Variants in SDK1 observed in about 807,000 individuals in gnomAD.
SDK1 encodes protein sidekick-1.
A neutral mutation model predicts 245.5 loss-of-function variants in SDK1; 157 were observed. The observed-to-expected ratio is 0.64, with a 90% confidence interval of 0.56 to 0.73. The LOEUF (loss-of-function observed/expected upper bound fraction) is 0.73. SDK1 is among the 30% of genes least tolerant of loss of function. SDK1 has a pLI of 0.00. For missense variants in SDK1, 3,583 were observed against 3,002.3 expected (o/e 1.19, Z -4.52); for synonymous variants, 1,647 against 1,278.5 (o/e 1.29, Z -6.15).
At chr7:3,875,982 T>G (rs1781066784) in intron 5 of SDK1, among the ~76,000 whole-genome samples, 1 of 152,206 alleles carries the variant, frequency 6.6e-6, no homozygotes. Context: ...AAGACACTGT[T>G]TCTCACACAA....
intron 19 of SDK1, among the ~76,000 whole-genome samples, chr7:4,062,964 TAA>T (rs893244296): frequency 6.8e-4 from 103 of 152,300 alleles, no homozygotes; most frequent in African/African-American, 2.4e-3. Context: ...CTCAGTATGA[TAA>T]AGTCTGTATA....
chr7:4,199,357 CTTTG>C (rs1223072370), intron 35 of SDK1, among the ~76,000 whole-genome samples: 1 of 152,136 alleles, frequency 6.6e-6, no homozygotes, highest in Non-Finnish European at 1.5e-5. Context: ...CGTCTTTTAA[CTTTG>C]TTTATCATAA....
chr7:3,579,699 C>A (rs1348267733), intron 1 of SDK1, among the ~76,000 whole-genome samples: 3 of 152,136 alleles, frequency 2.0e-5, no homozygotes, highest in Admixed American at 1.3e-4. Context: ...CAAGGGAACA[C>A]TTACACCCTG....
At chr7:3,558,659 C>A (rs1233184128) in intron 1 of SDK1, among the ~76,000 whole-genome samples, 4 of 152,190 alleles carry the variant, frequency 2.6e-5, no homozygotes, top group African/African-American at 9.7e-5. Context: ...CCGCTGGGAT[C>A]CAGCAGCTGC....
At chr7:3,974,852 G>T (rs768536323) in intron 13 of SDK1, 1 of 235,900 alleles carries the variant, frequency 4.2e-6, no homozygotes, top group Non-Finnish European at 8.3e-6. Context: ...TTACCACTCT[G>T]CGCTTAAGTA....
intron 17 of SDK1, among the ~76,000 whole-genome samples, chr7:4,038,786 G>A (rs955160963): frequency 6.6e-6 from 1 of 152,172 alleles, no homozygotes. Context: ...TTCTTATTGT[G>A]TAACTGCAGA....
rs184404844 is a variant in SDK1, at chr7:4,168,214, C to T, written c.4801-6008C>T. Among the ~76,000 whole-genome samples, 755 of 152,280 alleles carry T rather than the reference C, an allele frequency of 5.0e-3. 2 individuals are homozygous for T. Among genetic ancestry groups the T allele is most frequent in the Non-Finnish European group, 7.8e-3 (532 of 68,026 alleles). On this transcript the variant is annotated intron_variant, in intron 32 of 44. Coordinates refer to ENST00000404826, the MANE Select transcript of SDK1 (RefSeq NM_152744.4). ...GGAAGCCACCCTCTGGGGGCACGGC[C>T]GCCTGGACCCCCTCCCCAGGCCTGG...
chr7:3,992,330 G>A (rs574298265), intron 14 of SDK1, among the ~76,000 whole-genome samples: 3 of 152,332 alleles, frequency 2.0e-5, no homozygotes, highest in African/African-American at 7.2e-5. Context: ...CTGCAGGCAT[G>A]CCAGGGTTTG....
intron 1 of SDK1, among the ~76,000 whole-genome samples, chr7:3,431,800 T>C (rs2128584619): frequency 6.6e-6 from 1 of 152,248 alleles, no homozygotes; most frequent in Non-Finnish European, 1.5e-5. Flanking sequence ...ATCTACCTGA[T>C]AGAAACATAG....
At chr7:3,459,074 A>G (rs1232716123) in intron 1 of SDK1, among the ~76,000 whole-genome samples, 1 of 152,212 alleles carries the variant, frequency 6.6e-6, no homozygotes, top group Non-Finnish European at 1.5e-5. Flanking sequence ...AGATTGCATT[A>G]AATCTATAGA....
At chr7:3,689,156 A>C (rs748423856) in intron 4 of SDK1, among the ~76,000 whole-genome samples, 24 of 152,144 alleles carry the variant, frequency 1.6e-4, no homozygotes, top group Non-Finnish European at 2.9e-4. Flanking sequence ...ACTGTTTGCT[A>C]TCTGGCCCTT....
intron 22 of SDK1, among the ~76,000 whole-genome samples, chr7:4,090,331 G>A (rs923327388): frequency 7.2e-5 from 11 of 152,158 alleles, no homozygotes; most frequent in African/African-American, 1.9e-4. Context: ...TTAGGGCAAT[G>A]AGGGCACCAG....
intron 16 of SDK1, among the ~76,000 whole-genome samples, chr7:4,015,626 G>A (rs1786332253): frequency 6.6e-6 from 1 of 152,160 alleles, no homozygotes; most frequent in Non-Finnish European, 1.5e-5. Context: ...GTACTTGCTT[G>A]GTGCAGGTCG....
At chr7:3,526,146 T>C (rs1783122532) in intron 1 of SDK1, among the ~76,000 whole-genome samples, 2 of 151,980 alleles carry the variant, frequency 1.3e-5, no homozygotes, top group South Asian at 2.1e-4. Context: ...GGCAGGAGAA[T>C]TGCTTGAACC....
At chr7:3,593,371 G>A (rs1005513255) in intron 1 of SDK1, among the ~76,000 whole-genome samples, 1 of 152,138 alleles carries the variant, frequency 6.6e-6, no homozygotes, top group Non-Finnish European at 1.5e-5. Flanking sequence ...GGGATAGTAT[G>A]TGATGCACAT....
rs117771522 is a variant in SDK1, at chr7:3,350,484, A to G, written c.298+48600A>G. On this transcript the variant is annotated intron_variant, in intron 1 of 44. Coordinates refer to ENST00000404826, the MANE Select transcript of SDK1 (RefSeq NM_152744.4). ...CAGATTACATTGCCCAGAAGAGTTC[A>G]GTATTCAGTCTTCTTGGTGGTTATT... is the stretch of plus-strand genomic sequence containing the variant. Among the ~76,000 whole-genome samples the G allele has an allele frequency of 1.9e-3, 287 of 152,286 alleles. 7 individuals carry two copies. In the East Asian group the frequency reaches 0.036, roughly 19 times the overall value.
At chr7:3,737,273 A>G (rs912448106) in intron 4 of SDK1, among the ~76,000 whole-genome samples, 31 of 152,154 alleles carry the variant, frequency 2.0e-4, no homozygotes, top group African/African-American at 6.0e-4. Context: ...CAGGTGGTCA[A>G]TGGGGTTGCT....
chr7:3,566,196 A>G (rs951052862), intron 1 of SDK1, among the ~76,000 whole-genome samples: 4 of 147,312 alleles, frequency 2.7e-5, no homozygotes, highest in Non-Finnish European at 6.0e-5. Flanking sequence ...TTTTTATTGT[A>G]TGTTTTTGGG....
intron 1 of SDK1, among the ~76,000 whole-genome samples, chr7:3,309,255 G>T (rs912447755): frequency 6.6e-6 from 1 of 151,960 alleles, no homozygotes; most frequent in African/African-American, 2.4e-5. Context: ...TTTTGATAGG[G>T]TATGACCAAG....
Sources: gnomAD v4.1 joint callset for allele counts (sites outside exome capture counted in the v4.1 genomes callset) on GRCh38, gnomAD v4.1.1 for gene constraint, MANE v1.5 for transcripts, NCBI Gene and HGNC (gene_info 2026-07-23, HGNC 2026-07-21) for gene names.